The following LRSAM1 variants were observed in gnomAD, a reference collection of about 807,000 sequenced individuals.
LRSAM1 encodes the protein leucine rich repeat and sterile alpha motif containing 1, also known as E3 ubiquitin-protein ligase LRSAM1.
A neutral mutation model predicts 118.1 loss-of-function variants in LRSAM1; 96 were observed. The ratio of observed to expected loss-of-function variants is 0.81; its 90% CI spans 0.69 to 0.96. The LOEUF (loss-of-function observed/expected upper bound fraction) is 0.96, where lower values mean the gene tolerates loss of function less well. Ranked by LOEUF, LRSAM1 falls within the 40% of genes least tolerant of loss-of-function variation. The probability of loss-of-function intolerance (pLI) is 0.00; values close to 1 mark genes in which losing one functional copy is unlikely to be tolerated. For synonymous variants in LRSAM1, 322 were observed against 364.2 expected, an observed-to-expected ratio of 0.88 and a Z score of 1.32; for missense variants, 804 against 915.5, an observed-to-expected ratio of 0.88 and a Z score of 1.57.
intron 7 of LRSAM1, among the ~76,000 whole-genome samples, chr9:127,460,586 G>T (rs1382339185): frequency 7.2e-5 from 11 of 152,212 alleles, no homozygotes; most frequent in Admixed American, 7.2e-4. Context: ...TTTGTGGTCG[G>T]TGTAAGTGCT....
chr9:127,499,390 A>T (rs572162810), intron 24 of LRSAM1, among the ~76,000 whole-genome samples: 92 of 151,608 alleles, frequency 6.1e-4, no homozygotes, highest in African/African-American at 1.9e-3. Flanking sequence ...CAAAAAAATT[A>T]AAAAAAATTA....
At chr9:127,478,581 C>T (rs1294292638) in intron 11 of LRSAM1, among the ~76,000 whole-genome samples, 1 of 152,244 alleles carries the variant, frequency 6.6e-6, no homozygotes, top group African/African-American at 2.4e-5. Flanking sequence ...GAACCGGGTG[C>T]TGTAGGTGTG....
chr9:127,461,142 C>G, intron 7 of LRSAM1, 31 bp from the exon 8 acceptor site: 1 of 1,580,538 alleles, frequency 6.3e-7, no homozygotes, highest in South Asian at 1.1e-5. Context: ...GCATAAGCCA[C>G]TGCGCCTGGC....
chr9:127,487,561 A>T, intron 17 of LRSAM1, 115 bp from the exon 18 acceptor site: 2 of 931,160 alleles, frequency 2.1e-6, no homozygotes, highest in Non-Finnish European at 3.4e-6. Context: ...CAGGTACTCC[A>T]TGAATGTGGT....
At chr9:127,481,943 TA>T (rs1022180142) in intron 15 of LRSAM1, among the ~76,000 whole-genome samples, 123 of 136,326 alleles carry the variant, frequency 9.0e-4, no homozygotes, top group Admixed American at 1.3e-3. Context: ...TGGTTCCAGC[TA>T]AAAAAAAAAA....
chr9:127,455,768 A>G, intron 5 of LRSAM1, 148 bp downstream of exon 5: 1 of 774,024 alleles, frequency 1.3e-6, no homozygotes, highest in Non-Finnish European at 2.2e-6. Context: ...GTGTTTTCAC[A>G]GATAGGAGAG....
intron 2 of LRSAM1, 184 bp downstream of exon 2, chr9:127,452,268 T>C (rs1834350495): frequency 6.6e-6 from 1 of 151,588 alleles, no homozygotes; most frequent in Non-Finnish European, 1.5e-5. Context: ...AGGAAGGGGG[T>C]GCAAGAGGGT....
At chr9:127,453,481 G>T (rs561076443) in intron 2 of LRSAM1, 1 of 152,418 alleles carries the variant, frequency 6.6e-6, no homozygotes, top group Non-Finnish European at 1.5e-5. Context: ...CACCGCAGAG[G>T]TCTCTTTGGT....
intron 15 of LRSAM1, among the ~76,000 whole-genome samples, chr9:127,482,033 C>A (rs930328280): frequency 1.1e-4 from 17 of 151,766 alleles, no homozygotes; most frequent in Admixed American, 2.6e-4. Flanking sequence ...GAATAACCTG[C>A]AGCCATTAAA....
intron 10 of LRSAM1, among the ~76,000 whole-genome samples, chr9:127,468,424 C>G (rs1476556872): frequency 6.6e-6 from 1 of 152,148 alleles, no homozygotes; most frequent in African/African-American, 2.4e-5. Flanking sequence ...CCAGCACTGG[C>G]TGGAGGCGGG....
Position 127,503,068 on chromosome 9 carries a change from A to G in LRSAM1, c.*169A>G. The G allele has an allele frequency of 1.2e-6, 1 of 869,492 alleles. No homozygotes were observed. Among genetic ancestry groups the G allele is most frequent in the Non-Finnish European group, 1.8e-6 (1 of 562,194 alleles). 53.9% of individuals were successfully genotyped at this position (869,492 alleles called of 1,614,324 possible). Reference sequence around the variant, plus strand: ...CCTAAGCTCCAAGCATGTCTGGGCCAGGCAGAGGTGCTCCTCATCCATGAC... The same window carrying G: ...CCTAAGCTCCAAGCATGTCTGGGCCGGGCAGAGGTGCTCCTCATCCATGAC... On this transcript the variant is annotated 3_prime_UTR_variant, in exon 26 of 26. Transcript: ENST00000300417.
intron 21 of LRSAM1, among the ~76,000 whole-genome samples, chr9:127,494,907 C>T (rs1564281534): frequency 6.6e-6 from 1 of 152,172 alleles, no homozygotes; most frequent in Non-Finnish European, 1.5e-5. Flanking sequence ...AAGTGCTGTC[C>T]ACCCGCTCAG....
Position 127,494,806 on chromosome 9 carries a change from A to G in LRSAM1, c.1600-514A>G, listed in dbSNP as rs1208736084. Among the ~76,000 whole-genome samples the G allele has an allele frequency of 4.6e-5, 7 of 152,232 alleles. No individual in the cohort carries two copies. The East Asian group carries it at 1.4e-3, about 30-fold the overall frequency. On this transcript the variant is annotated intron_variant, in intron 21 of 25. Coordinates refer to ENST00000300417, the MANE Select transcript of LRSAM1 (RefSeq NM_001005373.4). ...CTAAAAATATAAAAATTAGCCGGGC[A>G]TGGTGGCACACACCTGTAGTCCCAG...
chr9:127,481,748 A>G (rs1189890672), intron 15 of LRSAM1, among the ~76,000 whole-genome samples: 1 of 152,188 alleles, frequency 6.6e-6, no homozygotes, highest in Non-Finnish European at 1.5e-5. Context: ...ATAATGTCCA[A>G]CTATATTCCT....
intron 24 of LRSAM1, among the ~76,000 whole-genome samples, 188 bp from the exon 25 acceptor site, chr9:127,500,822 G>A (rs909148706): frequency 2.6e-5 from 4 of 152,206 alleles, no homozygotes; most frequent in African/African-American, 9.6e-5. Flanking sequence ...CTGCAGATGG[G>A]AAATGAGGCT....
intron 9 of LRSAM1, among the ~76,000 whole-genome samples, chr9:127,466,664 A>G (rs1834964364): frequency 6.6e-6 from 1 of 151,008 alleles, no homozygotes; most frequent in African/African-American, 2.4e-5. Context: ...GTGGAATCAT[A>G]TTCTATATGC....
chr9:127,487,678 T>A lies in LRSAM1; in HGVS notation c.1262T>A (p.Met421Lys), dbSNP rs1320533559. 2 of 1,613,324 alleles carry A rather than the reference T, an allele frequency of 1.2e-6. No individual in the cohort carries two copies. The highest frequency in any genetic ancestry group is 1.7e-6 in the Non-Finnish European group (2 of 1,179,780). Residue 421 changes from methionine to lysine, a missense_variant and splice_region_variant, in exon 18 of 26, where the codon ATG (methionine) becomes AAG (lysine). Physicochemically the swap from Met to Lys is moderately conservative, Grantham distance 95. Coordinates refer to ENST00000300417, the MANE Select transcript of LRSAM1 (RefSeq NM_001005373.4). ...QNLVQQACSS[M>K]AEMDERFQQI... ...TGAATTTGCTGTCTTTCTGGCAGCA[T>A]GGCCGAAATGGATGAACGATTCCAG...
Position 127,496,015 on chromosome 9 carries a change from G to T in LRSAM1, c.1750G>T (p.Glu584Ter). The change falls in exon 23 of 26, where the codon GAG (glutamate) becomes TAG (stop). Residue 584 changes from glutamate (E) to a stop codon, truncating the protein, a stop_gained. Transcript: ENST00000300417. LOFTEE classifies it high-confidence loss of function. The stretch of plus-strand genomic sequence containing the variant: ...GGCCCTCCTGGAGGAGCTGTCGGCT[G>T]AGCACTACCTGCCCATCTTTGCGCA... ...LVALLEELSA[E>*]HYLPIFAHHR... The T allele has an allele frequency of 6.2e-7, 1 of 1,612,808 alleles. No homozygotes were observed. The highest frequency in any genetic ancestry group is 8.5e-7 in the Non-Finnish European group (1 of 1,179,974).
At chr9:127,487,822 G>A in intron 18 of LRSAM1, 59 bp downstream of exon 18, 8 of 1,452,076 alleles carry the variant, frequency 5.5e-6, no homozygotes, top group Non-Finnish European at 7.7e-6. Flanking sequence ...AGGAGCCAGG[G>A]CAGAGTGCAG....
Sources: allele counts gnomAD v4.1 joint callset (sites outside exome capture counted in the v4.1 genomes callset), GRCh38; gene constraint gnomAD v4.1.1; transcripts MANE v1.5; gene names NCBI Gene and HGNC (gene_info 2026-07-23, HGNC 2026-07-21).